Variants in UACA observed in about 807,000 individuals in gnomAD.
UACA encodes the protein uveal autoantigen with coiled-coil domains and ankyrin repeats, also known as nuclear membrane binding protein.
Under a neutral mutation model 160.5 loss-of-function variants are expected in UACA, and 112 were observed. That is an observed-to-expected ratio of 0.70 (90% CI 0.60 to 0.82). The LOEUF (loss-of-function observed/expected upper bound fraction) is 0.82, where lower values mean the gene tolerates loss of function less well. Ranked by LOEUF, UACA falls within the 40% of genes least tolerant of loss-of-function variation. The pLI, the probability that UACA is intolerant of heterozygous loss-of-function variation, is 0.00. For synonymous variants in UACA, 557 were observed against 568.4 expected (o/e 0.98, Z 0.29); for missense variants, 1,574 against 1,614.6 (o/e 0.97, Z 0.43).
chr15:70,687,429 A>G, intron 7 of UACA, 111 bp downstream of exon 7: 1 of 912,964 alleles, frequency 1.1e-6, no homozygotes, highest in South Asian at 1.5e-5. Context: ...AGGGAAGGGG[A>G]GAACCCACAG....
At position 70,667,913 on chromosome 15, in the gene UACA, C is replaced by T. The variant is rs569081139; in HGVS notation, c.2771G>A (p.Ser924Asn). ...TQNQIKAEYI[S>N]LAEHEAKMSS... The stretch of plus-strand genomic sequence containing the variant: ...CATCTTTGCCTCGTGCTCTGCCAGG[C>T]TGATGTACTCAGCTTTTATTTGGTT... The change falls in exon 16 of 19, where the codon AGC becomes AAC. Residue 924 changes from serine (S) to asparagine (N), a missense_variant. By Grantham distance (46) the Ser-to-Asn change is conservative (BLOSUM62 1). Coordinates refer to ENST00000322954, the MANE Select transcript of UACA (RefSeq NM_018003.4). The T allele has an allele frequency of 3.7e-6, 6 of 1,613,986 alleles. No homozygotes were observed. The highest frequency in any genetic ancestry group is 5.1e-6 in the Non-Finnish European group (6 of 1,179,986).
At chr15:70,719,407 G>A (rs890494496) in intron 1 of UACA, among the ~76,000 whole-genome samples, 3 of 152,184 alleles carry the variant, frequency 2.0e-5, no homozygotes, top group African/African-American at 4.8e-5. Flanking sequence ...CTTGGTGGGG[G>A]ATTCCCCCGA....
chr15:70,668,009 T>TAA lies in UACA; in HGVS notation c.2674_2675insTT (p.Asp892ValfsTer3). ...TATTTTTACAAATTCCTGATTTATA[T>TAA]CTTCAAATTTTTTCTTCACATCTAA... On this transcript the variant is annotated frameshift_variant, in exon 16 of 19. Transcript: ENST00000322954. LOFTEE classifies it high-confidence loss of function. 1 of 1,603,440 alleles carries TAA rather than the reference T, an allele frequency of 6.2e-7. No individual in the cohort carries two copies. The highest frequency in any genetic ancestry group is 8.5e-7 in the Non-Finnish European group (1 of 1,175,648).
At chr15:70,709,184 A>C (rs543303760) in intron 1 of UACA, among the ~76,000 whole-genome samples, 1 of 152,344 alleles carries the variant, frequency 6.6e-6, no homozygotes, top group Middle Eastern at 3.4e-3. Flanking sequence ...TTCTAAAAAG[A>C]AGCAGTAAAT....
chr15:70,706,465 AGAAAG>A (rs1365930318), intron 1 of UACA, among the ~76,000 whole-genome samples: 1 of 151,710 alleles, frequency 6.6e-6, no homozygotes, highest in African/African-American at 2.4e-5. Flanking sequence ...CATCCAAATC[AGAAAG>A]GAAGAAGTTG....
At chr15:70,769,858 G>A in the UACA span, among the ~76,000 whole-genome samples, 3 of 152,100 alleles carry the variant, frequency 2.0e-5, no homozygotes, top group African/African-American at 7.2e-5. Context: ...TTGGCTGGCT[G>A]TGGTGGTGGG....
intron 1 of UACA, among the ~76,000 whole-genome samples, chr15:70,717,267 T>C (rs1898849036): frequency 6.6e-6 from 1 of 152,198 alleles, no homozygotes; most frequent in African/African-American, 2.4e-5. Flanking sequence ...TAATGTCTAA[T>C]CAGTATACAT....
chr15:70,698,603 T>G (rs1032122777), intron 2 of UACA, among the ~76,000 whole-genome samples: 4 of 152,200 alleles, frequency 2.6e-5, no homozygotes, highest in African/African-American at 9.6e-5. Flanking sequence ...TACCTAAGCA[T>G]TCCAAGGCAG....
At position 70,668,428 on chromosome 15, in the gene UACA, G is replaced by A; in HGVS notation, c.2256C>T (p.Asp752=). 6.2e-7 allele frequency: 1 copy of A among 1,611,766 alleles called. No individual in the cohort carries two copies. The highest frequency in any genetic ancestry group is 8.5e-7 in the Non-Finnish European group (1 of 1,179,710). The part of the protein sequence containing the change: ...NHYVPLKVSE[D]MKKSHDAIID... ...TAATTGCATCATGTGACTTTTTCAT[G>A]TCTTCACTTACTTTTAAAGGAACAT... The change falls in exon 16 of 19, where the codon GAC becomes GAT. Residue 752 remains aspartate, a synonymous_variant. Coordinates refer to ENST00000322954, the MANE Select transcript of UACA (RefSeq NM_018003.4).
chr15:70,764,700 A>G (rs1442351027), upstream of UACA, among the ~76,000 whole-genome samples: 2 of 152,230 alleles, frequency 1.3e-5, no homozygotes, highest in African/African-American at 4.8e-5. Context: ...TGTTAACCCT[A>G]TACAACAAGT....
intron 1 of UACA, among the ~76,000 whole-genome samples, chr15:70,762,563 C>G (rs957601582): frequency 1.3e-5 from 2 of 152,358 alleles, no homozygotes; most frequent in Middle Eastern, 3.4e-3. Flanking sequence ...GAGGCCCCGA[C>G]TACTCCTTGG....
At chr15:70,676,408 A>T (rs1566969896) in intron 13 of UACA, 85 bp downstream of exon 13, 1 of 1,040,570 alleles carries the variant, frequency 9.6e-7, no homozygotes, top group Non-Finnish European at 1.4e-6. Flanking sequence ...TAAATAAGAG[A>T]TTTATAATTC....
At chr15:70,701,982 C>G in intron 1 of UACA, 6 of 1,599,066 alleles carry the variant, frequency 3.8e-6, no homozygotes, top group Non-Finnish European at 5.1e-6. Context: ...TCTCTGTAAG[C>G]TCACAAAGCA....
intron 12 of UACA, 76 bp downstream of exon 12, chr15:70,677,032 G>A (rs1897321831): frequency 9.0e-7 from 1 of 1,113,660 alleles, no homozygotes; most frequent in East Asian, 2.4e-5. Flanking sequence ...CTCAATTCAG[G>A]ACTTAAACCT....
At position 70,669,482 on chromosome 15, in the gene UACA, G is replaced by A; in HGVS notation, c.1222-20C>T. 2.1e-6 allele frequency: 3 copies of A among 1,451,788 alleles called. No homozygotes were observed. The highest frequency in any genetic ancestry group is 2.8e-6 in the Non-Finnish European group (3 of 1,081,818). The allele number at this position is 1,451,788 out of a possible 1,614,324, so 89.9% of individuals were successfully genotyped here. A position where few individuals can be genotyped will look rare whatever the true frequency, so the allele number is the denominator to read the frequency against. On this transcript the variant is annotated intron_variant, in intron 15 of 18. Transcript: ENST00000322954. ...AGTACACTGAAAAGAAAAAAAAAAAGACATCAATCACAAAAGCCTAAATGA... is the reference window on the plus strand; with the variant it reads ...AGTACACTGAAAAGAAAAAAAAAAAAACATCAATCACAAAAGCCTAAATGA...
At chr15:70,773,653 G>A in the UACA span, among the ~76,000 whole-genome samples, 1 of 152,132 alleles carries the variant, frequency 6.6e-6, no homozygotes, top group Admixed American at 6.6e-5. Flanking sequence ...ATATTCAGTG[G>A]AAGGAAAAGA....
chr15:70,774,806 C>G, the UACA span, among the ~76,000 whole-genome samples: 1 of 152,082 alleles, frequency 6.6e-6, no homozygotes, highest in Non-Finnish European at 1.5e-5. Flanking sequence ...GTAATCCCAG[C>G]AATTTTGGAA....
intron 2 of UACA, among the ~76,000 whole-genome samples, chr15:70,698,807 A>G (rs1898224375): frequency 6.6e-6 from 1 of 152,116 alleles, no homozygotes; most frequent in Admixed American, 6.6e-5. Context: ...ATAGAGGGTC[A>G]TAACAGGGAC....
At chr15:70,664,245 T>C (rs1159095814) in intron 17 of UACA, among the ~76,000 whole-genome samples, 3 of 152,072 alleles carry the variant, frequency 2.0e-5, no homozygotes, top group Non-Finnish European at 4.4e-5. Context: ...TTTTAAAACC[T>C]CCTTTAGTTT....
Sources: gnomAD v4.1 joint callset for allele counts (sites outside exome capture counted in the v4.1 genomes callset) on GRCh38, gnomAD v4.1.1 for gene constraint, MANE v1.5 for transcripts, NCBI Gene and HGNC (gene_info 2026-07-23, HGNC 2026-07-21) for gene names.